Variants in NECTIN2 observed in about 807,000 individuals in gnomAD.
The protein encoded by NECTIN2 is nectin cell adhesion molecule 2, also known as nectin-2.
Under a neutral mutation model 56.9 loss-of-function variants are expected in NECTIN2, and 23 were observed. The observed-to-expected ratio is 0.40, with a 90% CI of 0.29 to 0.57. The LOEUF is 0.57. Among genes scored for constraint, NECTIN2 ranks in the 20% least tolerant of loss-of-function variants. The pLI is 0.38. For synonymous variants in NECTIN2, 302 were observed against 313.8 expected (o/e 0.96, Z 0.40); for missense variants, 587 against 718.3 (o/e 0.82, Z 2.09).
Position 44,846,517 on chromosome 19 carries a change from G to A in NECTIN2, c.-9G>A, listed in dbSNP as rs998560501. The A allele has an allele frequency of 1.3e-6, 2 of 1,503,156 alleles. No individual in the cohort carries two copies. Among genetic ancestry groups the A allele is most frequent in the East Asian group, 5.3e-5 (2 of 37,668 alleles). The allele number at this position is 1,503,156 out of a possible 1,614,324, so 93.1% of individuals were successfully genotyped here. A position where few individuals can be genotyped will look rare whatever the true frequency, so the allele number is the denominator to read the frequency against. On this transcript the variant is annotated 5_prime_UTR_variant, in exon 1 of 9. Coordinates refer to ENST00000252483, the MANE Select transcript of NECTIN2 (RefSeq NM_001042724.2). ...CTCCGGCCGGGCCCAGTCCCCTCCC[G>A]GGCCCTCCATGGCCCGGGCCGCTGC...
chr19:44,860,466 G>A (rs1430885308), intron 1 of NECTIN2, among the ~76,000 whole-genome samples: 3 of 152,014 alleles, frequency 2.0e-5, no homozygotes, highest in African/African-American at 7.2e-5. Context: ...AGCAGAAATC[G>A]CGCCATTGCA....
intron 1 of NECTIN2, among the ~76,000 whole-genome samples, chr19:44,863,514 G>T (rs1337839512): frequency 1.3e-5 from 2 of 152,074 alleles, no homozygotes; most frequent in African/African-American, 2.4e-5. Context: ...TCACCTCTAT[G>T]CAATATATGT....
chr19:44,865,585 G>A lies in NECTIN2; in HGVS notation c.403G>A (p.Glu135Lys), dbSNP rs1472924166. 7.1e-6 allele frequency: 11 copies of A among 1,546,584 alleles called. No individual in the cohort carries two copies. Among genetic ancestry groups the A allele is most frequent in the Non-Finnish European group, 8.7e-6 (10 of 1,148,468 alleles). The change falls in exon 2 of 9, where the codon GAG (glutamate) becomes AAG (lysine). Residue 135 changes from glutamate to lysine, a missense_variant. Coordinates refer to ENST00000252483, the MANE Select transcript of NECTIN2 (RefSeq NM_001042724.2). This position sits in a 1 kb window ranked among gnomAD's most constrained non-coding sequence, Gnocchi z 5.2. ...LALHGLTVEDEGNYTCEFATF... is the reference protein window; with the variant it reads ...LALHGLTVEDKGNYTCEFATF... ...CCTCCACGGGCTCACGGTGGAGGAC[G>A]AGGGCAACTACACTTGCGAGTTTGC...
intron 2 of NECTIN2, among the ~76,000 whole-genome samples, chr19:44,867,127 T>C (rs560377838): frequency 6.6e-6 from 1 of 152,034 alleles, no homozygotes; most frequent in Admixed American, 6.6e-5. Context: ...CAACCAATTC[T>C]CCTGCCTCAG....
intron 1 of NECTIN2, 147 bp downstream of exon 1, chr19:44,846,760 C>T: frequency 2.3e-6 from 2 of 886,896 alleles, no homozygotes; most frequent in Non-Finnish European, 3.3e-6. Context: ...CCCACAGACT[C>T]CGACCCCCTA....
chr19:44,846,412 G>T lies in NECTIN2; in HGVS notation c.-114G>T. 7.7e-7 allele frequency: 1 copy of T among 1,302,770 alleles called. No individual in the cohort carries two copies. Among genetic ancestry groups the T allele is most frequent in the Non-Finnish European group, 9.9e-7 (1 of 1,010,076 alleles). The allele number at this position is 1,302,770 out of a possible 1,614,324, so 80.7% of individuals were successfully genotyped here. A position where few individuals can be genotyped will look rare whatever the true frequency, so the allele number is the denominator to read the frequency against. ...GGGAGGCTAGAGCGCAGCGGGAACC[G>T]GCCCGGAGCCGGAGCCGGAGCCCCA... On this transcript the variant is annotated 5_prime_UTR_variant, in exon 1 of 9. Transcript: ENST00000252483.
At position 44,865,474 on chromosome 19, in the gene NECTIN2, C is replaced by T; in HGVS notation, c.292C>T (p.Pro98Ser). 2 of 1,613,240 alleles carry T rather than the reference C, an allele frequency of 1.2e-6. No individual in the cohort carries two copies. Among genetic ancestry groups the T allele is most frequent in the Non-Finnish European group, 1.7e-6 (2 of 1,179,692 alleles). ...GGGTCCCAGCTTCCCCAGCCCGAAG[C>T]CTGGCAGCGAGCGGCTGTCCTTCGT... is the stretch of plus-strand genomic sequence containing the variant. ...KMGPSFPSPK[P>S]GSERLSFVSA... is the part of the protein sequence containing the mutation. Residue 98 changes from proline (P) to serine (S), a missense_variant, in exon 2 of 9, where the codon CCT becomes TCT. Physicochemically the swap from Pro to Ser is moderately conservative, Grantham distance 74 (BLOSUM62 -1). Coordinates refer to ENST00000252483, the MANE Select transcript of NECTIN2 (RefSeq NM_001042724.2). The surrounding 1 kb of genome is among the most constrained non-coding windows in gnomAD (Gnocchi z 5.2).
At chr19:44,861,651 A>C (rs562802777) in intron 1 of NECTIN2, among the ~76,000 whole-genome samples, 29 of 152,338 alleles carry the variant, frequency 1.9e-4, no homozygotes, top group African/African-American at 5.3e-4. Context: ...AATTTAAACA[A>C]ATTTACAAGA....
chr19:44,886,203 C>T lies in NECTIN2; in HGVS notation c.1331C>T (p.Ala444Val). Residue 444 changes from alanine (A) to valine (V), a missense_variant, in exon 8 of 9, where the codon GCC (alanine) becomes GTC (valine). Physicochemically the swap from Ala to Val is moderately conservative, Grantham distance 64. Coordinates refer to ENST00000252483, the MANE Select transcript of NECTIN2 (RefSeq NM_001042724.2). Reference sequence around the variant, plus strand: ...AAGACCCCCTACTTTGATGCTGGCGCCTCATGCACTGAGCAGGTAGGAGCT... The same window carrying T: ...AAGACCCCCTACTTTGATGCTGGCGTCTCATGCACTGAGCAGGTAGGAGCT... Reference protein sequence around the residue: ...PLKTPYFDAGASCTEQEMPRY... With the variant: ...PLKTPYFDAGVSCTEQEMPRY... 1 of 1,611,904 alleles carries T rather than the reference C, an allele frequency of 6.2e-7. No homozygotes were observed. The highest frequency in any genetic ancestry group is 2.2e-5 in the East Asian group (1 of 44,874).
intron 5 of NECTIN2, chr19:44,878,426 G>A (rs767986043): frequency 6.3e-7 from 1 of 1,581,672 alleles, no homozygotes; most frequent in Non-Finnish European, 8.6e-7. Flanking sequence ...TCAGGTGTTG[G>A]GAAATGGGGA....
Position 44,871,929 on chromosome 19 carries a change from C to G in NECTIN2, c.555C>G (p.Ser185=). 1 of 1,614,158 alleles carries G rather than the reference C, an allele frequency of 6.2e-7. No individual in the cohort carries two copies. The highest frequency in any genetic ancestry group is 1.1e-5 in the South Asian group (1 of 91,078). Residue 185 remains serine, a synonymous_variant, in exon 3 of 9, where the codon TCC becomes TCG. Transcript: ENST00000252483. ...QDPTTVALCI[S]KEGRPPARIS... The stretch of plus-strand genomic sequence containing the variant: ...CTACGACAGTGGCCCTCTGCATCTC[C>G]AAAGAGGGCCGCCCACCTGCCCGGA...
chr19:44,886,762 C>T (rs1429444513), intron 8 of NECTIN2, among the ~76,000 whole-genome samples: 4 of 150,124 alleles, frequency 2.7e-5, no homozygotes, highest in South Asian at 2.1e-4. Context: ...TCACCTGGGC[C>T]GGGCATGGTG....
intron 1 of NECTIN2, among the ~76,000 whole-genome samples, chr19:44,862,992 C>CAAAAA (rs57740346): frequency 2.4e-5 from 3 of 123,112 alleles, no homozygotes; most frequent in South Asian, 2.8e-4. Context: ...ACTAAAAATA[C>CAAAAA]AAAAAAAAAA....
At chr19:44,846,876 G>A (rs1599903585) in intron 1 of NECTIN2, among the ~76,000 whole-genome samples, 1 of 151,238 alleles carries the variant, frequency 6.6e-6, no homozygotes, top group Admixed American at 6.6e-5. Flanking sequence ...CTGCTTGTCT[G>A]TCCCCCTCCC....
intron 2 of NECTIN2, among the ~76,000 whole-genome samples, chr19:44,869,154 T>G (rs1339633466): frequency 6.6e-6 from 1 of 151,836 alleles, no homozygotes; most frequent in Non-Finnish European, 1.5e-5. Flanking sequence ...CCTCTCTTCT[T>G]GTGCAATCAT....
chr19:44,848,606 C>T (rs182858502), intron 1 of NECTIN2, among the ~76,000 whole-genome samples: 27 of 152,204 alleles, frequency 1.8e-4, no homozygotes, highest in Admixed American at 3.3e-4. Flanking sequence ...TTGACCACCC[C>T]CACCCCAATC....
chr19:44,846,773 C>G (rs1045414826), intron 1 of NECTIN2, among the ~76,000 whole-genome samples, 160 bp downstream of exon 1: 2 of 150,346 alleles, frequency 1.3e-5, no homozygotes, highest in Non-Finnish European at 3.0e-5. Flanking sequence ...ACCCCCTACA[C>G]GTCCGATTCT....
intron 1 of NECTIN2, among the ~76,000 whole-genome samples, chr19:44,854,456 G>A (rs1360606829): frequency 6.6e-6 from 1 of 152,086 alleles, no homozygotes; most frequent in Non-Finnish European, 1.5e-5. Flanking sequence ...GGATTGGAGG[G>A]GAGCCTCCCT....
chr19:44,863,111 G>A (rs1212305561), intron 1 of NECTIN2, among the ~76,000 whole-genome samples: 3 of 151,308 alleles, frequency 2.0e-5, no homozygotes, highest in Non-Finnish European at 2.9e-5. Context: ...GCAGTGAGCC[G>A]AGATCACACC....
Sources: allele counts gnomAD v4.1 joint callset (sites outside exome capture counted in the v4.1 genomes callset), GRCh38; gene constraint gnomAD v4.1.1; non-coding constraint Gnocchi (gnomAD v3.1); transcripts MANE v1.5; gene names NCBI Gene and HGNC (gene_info 2026-07-23, HGNC 2026-07-21).